Variants in ENAH observed in about 807,000 individuals in gnomAD.
ENAH encodes protein enabled homolog.
ENAH carries 23 observed loss-of-function variants against 78.7 expected under a neutral mutation model. That is an observed-to-expected ratio of 0.29 (90% CI 0.21 to 0.41). The LOEUF (loss-of-function observed/expected upper bound fraction) is 0.41, where lower values mean the gene tolerates loss of function less well. ENAH is among the 10% of genes least tolerant of loss of function. The pLI is 1.00. For missense variants in ENAH, 544 were observed against 691.0 expected, an observed-to-expected ratio of 0.79 and a Z score of 2.39; for synonymous variants, 226 against 241.0, an observed-to-expected ratio of 0.94 and a Z score of 0.58.
chr1:225,561,039 T>G (rs567718429), intron 2 of ENAH, among the ~76,000 whole-genome samples: 32 of 149,642 alleles, frequency 2.1e-4, no homozygotes, highest in East Asian at 1.2e-3. Context: ...ATTGAGACCA[T>G]CCTGGCCAAC....
At chr1:225,637,942 G>A (rs1045958700) in intron 1 of ENAH, among the ~76,000 whole-genome samples, 2 of 151,986 alleles carry the variant, frequency 1.3e-5, no homozygotes, top group Non-Finnish European at 2.9e-5. Context: ...AAGCAAGCAA[G>A]CAAAAAGGGC....
At chr1:225,573,266 A>T (rs1318012924) in intron 1 of ENAH, among the ~76,000 whole-genome samples, 3 of 152,212 alleles carry the variant, frequency 2.0e-5, no homozygotes, top group Non-Finnish European at 4.4e-5. Context: ...AGCACACAGT[A>T]GGCACTCTTT....
At chr1:225,526,372 C>T (rs1332957027) in intron 4 of ENAH, among the ~76,000 whole-genome samples, 1 of 148,354 alleles carries the variant, frequency 6.7e-6, no homozygotes, top group African/African-American at 2.5e-5. Context: ...CAGAATCTTG[C>T]TCTGTCGCCA....
At chr1:225,531,657 T>C (rs1346457514) in intron 3 of ENAH, among the ~76,000 whole-genome samples, 1 of 152,110 alleles carries the variant, frequency 6.6e-6, no homozygotes, top group Non-Finnish European at 1.5e-5. Flanking sequence ...TTCTGAAAGA[T>C]TTGTAGACAA....
chr1:225,534,450 C>T (rs1265092901), intron 3 of ENAH, among the ~76,000 whole-genome samples: 3 of 151,780 alleles, frequency 2.0e-5, no homozygotes, highest in Non-Finnish European at 2.9e-5. Flanking sequence ...ATTTGCAACA[C>T]GTACTTCTTT....
At chr1:225,542,688 T>C (rs1290801138) in intron 3 of ENAH, among the ~76,000 whole-genome samples, 1 of 152,156 alleles carries the variant, frequency 6.6e-6, no homozygotes, top group Non-Finnish European at 1.5e-5. Context: ...ACATAAAAAT[T>C]AAATAAACTG....
At chr1:225,632,497 CAAAAA>C (rs55973162) in intron 1 of ENAH, among the ~76,000 whole-genome samples, 1 of 102,472 alleles carries the variant, frequency 9.8e-6, no homozygotes. Flanking sequence ...GACTCCGTCT[CAAAAA>C]AAAAAAAAAA....
At chr1:225,568,460 C>T (rs1033500496) in intron 1 of ENAH, among the ~76,000 whole-genome samples, 3 of 152,196 alleles carry the variant, frequency 2.0e-5, no homozygotes, top group African/African-American at 4.8e-5. Context: ...GGCACATCAA[C>T]TCTATGCTAT....
At chr1:225,567,194 C>G (rs2096739167) in intron 2 of ENAH, 55 bp downstream of exon 2, 1 of 1,569,470 alleles carries the variant, frequency 6.4e-7, no homozygotes. Context: ...CGGAATATGC[C>G]AAGTCCTTTT....
chr1:225,560,498 T>C (rs966057264), intron 2 of ENAH, among the ~76,000 whole-genome samples: 2 of 151,464 alleles, frequency 1.3e-5, no homozygotes, highest in African/African-American at 4.8e-5. Flanking sequence ...AAAAAAAAGA[T>C]TAAATGTTAT....
chr1:225,641,001 C>A (rs1660943646), intron 1 of ENAH, among the ~76,000 whole-genome samples: 1 of 149,410 alleles, frequency 6.7e-6, no homozygotes, highest in African/African-American at 2.5e-5. Flanking sequence ...GTAGCTGGGA[C>A]TACAGGCGCC....
intron 1 of ENAH, among the ~76,000 whole-genome samples, chr1:225,628,043 G>A (rs568991587): frequency 8.5e-5 from 13 of 152,354 alleles, no homozygotes; most frequent in African/African-American, 3.1e-4. Context: ...AGCAGCTGAA[G>A]GGGCAGAAAC....
At chr1:225,603,050 C>G (rs1480782043) in intron 1 of ENAH, among the ~76,000 whole-genome samples, 1 of 151,388 alleles carries the variant, frequency 6.6e-6, no homozygotes, top group Non-Finnish European at 1.5e-5. Flanking sequence ...GAGATATGAG[C>G]ACAAAAACAA....
At chr1:225,638,814 T>C (rs1367439328) in intron 1 of ENAH, among the ~76,000 whole-genome samples, 1 of 152,170 alleles carries the variant, frequency 6.6e-6, no homozygotes, top group Non-Finnish European at 1.5e-5. Context: ...TATAACGACA[T>C]ATATGTAAAA....
intron 3 of ENAH, among the ~76,000 whole-genome samples, chr1:225,549,275 G>C (rs1185351946): frequency 6.6e-6 from 1 of 152,158 alleles, no homozygotes; most frequent in African/African-American, 2.4e-5. Flanking sequence ...AAATTTTTAA[G>C]ATTTCATGAA....
At chr1:225,593,071 CTAGCTATAACTACCATA>C (rs902601023) in intron 1 of ENAH, among the ~76,000 whole-genome samples, 7 of 152,056 alleles carry the variant, frequency 4.6e-5, no homozygotes, top group African/African-American at 1.2e-4. Context: ...AAGGACTAGA[CTAGCTATAACTACCATA>C]TAGCTATAAC....
chr1:225,652,759 C>A lies in ENAH; in HGVS notation c.-69G>T. ...GAAGGCGCCGAGCCGAGGGGGGGGT[C>A]TCTCCTCCAGGGGTGGGGAGCAGCT... On this transcript the variant is annotated 5_prime_UTR_variant, in exon 1 of 14. Coordinates refer to ENST00000366843, the MANE Select transcript of ENAH (RefSeq NM_018212.6). 7.8e-7 allele frequency: 1 copy of A among 1,278,742 alleles called. No individual in the cohort carries two copies. The highest frequency in any genetic ancestry group is 9.9e-7 in the Non-Finnish European group (1 of 1,009,454). The allele number at this position is 1,278,742 out of a possible 1,614,324, so 79.2% of individuals were successfully genotyped here.
chr1:225,569,118 C>G (rs2096748281), intron 1 of ENAH, among the ~76,000 whole-genome samples: 1 of 152,214 alleles, frequency 6.6e-6, no homozygotes, highest in Non-Finnish European at 1.5e-5. Context: ...ATGACATTTA[C>G]ATAACCCTAT....
chr1:225,577,072 G>A (rs1474778733), intron 1 of ENAH, among the ~76,000 whole-genome samples: 2 of 152,122 alleles, frequency 1.3e-5, no homozygotes, highest in Non-Finnish European at 2.9e-5. Flanking sequence ...GGCCAAGATT[G>A]TGCCACTGCA....
Sources: allele counts gnomAD v4.1 joint callset (sites outside exome capture counted in the v4.1 genomes callset), GRCh38; gene constraint gnomAD v4.1.1; transcripts MANE v1.5; gene names NCBI Gene and HGNC (gene_info 2026-07-23, HGNC 2026-07-21).